PIEZO2: variants seen among roughly 807,000 people sequenced by gnomAD.
PIEZO2 encodes piezo-type mechanosensitive ion channel component 2.
In PIEZO2, 172 loss-of-function variants were observed where a neutral mutation model predicts 337.3. The observed-to-expected ratio is 0.51, with a 90% CI of 0.45 to 0.58. The LOEUF (loss-of-function observed/expected upper bound fraction) is 0.58, where lower values mean the gene tolerates loss of function less well. Ranked by LOEUF, PIEZO2 falls within the 20% of genes least tolerant of loss-of-function variation. PIEZO2 has a pLI of 0.00. For synonymous variants in PIEZO2, 1,251 were observed against 1,228.5 expected, an observed-to-expected ratio of 1.02 and a Z score of -0.38; for missense variants, 3,028 against 3,391.3, an observed-to-expected ratio of 0.89 and a Z score of 2.66.
In PIEZO2 at chr18:11,077,037, T is replaced by A. The variant is rs1055604430; in HGVS notation, c.65-10815A>T. On this transcript the variant is annotated intron_variant, in intron 1 of 55. Coordinates refer to ENST00000674853, the MANE Select transcript of PIEZO2 (RefSeq NM_001378183.1). The surrounding 1 kb of genome is among the most constrained non-coding windows in gnomAD (Gnocchi z 4.8). ...ACACATTGCCTCTCATAATTGCAAATGAGGAAATAAAGCTTTTATGCTCAT... is the reference window on the plus strand; with the variant it reads ...ACACATTGCCTCTCATAATTGCAAAAGAGGAAATAAAGCTTTTATGCTCAT... Among the ~76,000 whole-genome samples, 1 of 152,196 alleles carries A rather than the reference T, an allele frequency of 6.6e-6. No individual in the cohort carries two copies. Among genetic ancestry groups the A allele is most frequent in the African/African-American group, 2.4e-5 (1 of 41,454 alleles).
chr18:10,780,361 G>T lies in PIEZO2; in HGVS notation c.2498C>A (p.Ala833Asp). The T allele has an allele frequency of 1.0e-5, 7 of 702,932 alleles. No homozygotes were observed. Among genetic ancestry groups the T allele is most frequent in the Non-Finnish European group, 1.8e-5 (7 of 384,990 alleles). 43.5% of individuals were successfully genotyped at this position (702,932 alleles called of 1,614,324 possible). Residue 833 changes from alanine (A) to aspartate (D), a missense_variant, in exon 18 of 56, where the codon GCC becomes GAC. Coordinates refer to ENST00000674853, the MANE Select transcript of PIEZO2 (RefSeq NM_001378183.1). ...TAGATATACGCGACCATTGACTTTG[G>T]CATGGCTACGAGGTGGCAGACGGAA... ...SKEDNTIYSHAKVNGRVYLII... is the reference protein window; with the variant it reads ...SKEDNTIYSHDKVNGRVYLII...
chr18:10,979,664 A>G lies in PIEZO2; in HGVS notation c.161-4T>C, dbSNP rs1225219555. On this transcript the variant is annotated splice_polypyrimidine_tract_variant and splice_region_variant and intron_variant, in intron 2 of 55. Transcript: ENST00000674853. This position sits in a 1 kb window ranked among gnomAD's most constrained non-coding sequence, Gnocchi z 4.0. The stretch of plus-strand genomic sequence containing the variant: ...TTTAATAACCGTCCCGTATGTCCTA[A>G]GGGATAAAAAGTGCAGAGATTGTGA... 2.6e-6 allele frequency: 4 copies of G among 1,529,108 alleles called. No individual in the cohort carries two copies. The East Asian group carries it at 9.8e-5, about 37-fold the overall frequency. The allele number at this position is 1,529,108 out of a possible 1,614,324, so 94.7% of individuals were successfully genotyped here.
At position 10,741,109 on chromosome 18, in the gene PIEZO2, T is replaced by A. The variant is rs1170912340; in HGVS notation, c.4637-7A>T. 4 of 1,533,538 alleles carry A rather than the reference T, an allele frequency of 2.6e-6. No homozygotes were observed. In the African/African-American group the frequency reaches 4.1e-5, roughly 16 times the overall value. 95.0% of individuals were successfully genotyped at this position (1,533,538 alleles called of 1,614,324 possible). On this transcript the variant is annotated splice_polypyrimidine_tract_variant and splice_region_variant and intron_variant, in intron 32 of 55. Transcript: ENST00000674853. ...TTCTGTTTGTCTGCTTCTCCTAAAATAAAATACGTCCACATATTAATTCGT... is the reference window on the plus strand; with the variant it reads ...TTCTGTTTGTCTGCTTCTCCTAAAAAAAAATACGTCCACATATTAATTCGT...
intron 1 of PIEZO2, among the ~76,000 whole-genome samples, chr18:11,100,892 GC>G (rs772902601): frequency 2.5e-4 from 38 of 152,278 alleles, no homozygotes; most frequent in Non-Finnish European, 5.0e-4. Context: ...ACCGTGCCTG[GC>G]CCACATTTTC....
rs547053434 is a variant in PIEZO2 at position 11,054,996 on chromosome 18, G to A, written c.160+11131C>T. Among the ~76,000 whole-genome samples, 17 of 152,212 alleles carry A rather than the reference G, an allele frequency of 1.1e-4. No homozygotes were observed. The East Asian group carries it at 3.3e-3, about 30-fold the overall frequency. On this transcript the variant is annotated intron_variant, in intron 2 of 55. Transcript: ENST00000674853. ...GGAGGCCGAGGAGGGCAGATCACGA[G>A]GTCAGGAGATCAAGACTATCCTGGC... is the stretch of plus-strand genomic sequence containing the variant.
rs9951558 is a variant in PIEZO2, at chr18:10,732,678, G to A, written c.4915-1157C>T. On this transcript the variant is annotated intron_variant, in intron 35 of 55. Transcript: ENST00000674853. ...GAGGCAAAAAATTATTCTATTTTAT[G>A]CCAAAAGCATATTTTAAATAATGGG... Among the ~76,000 whole-genome samples, 449 of 152,224 alleles carry A rather than the reference G, an allele frequency of 2.9e-3. 2 individuals carry two copies. Among genetic ancestry groups the A allele is most frequent in the African/African-American group, 0.01 (436 of 41,534 alleles).
chr18:10,851,889 C>T (rs1189390061), intron 7 of PIEZO2, among the ~76,000 whole-genome samples: 2 of 151,950 alleles, frequency 1.3e-5, no homozygotes, highest in East Asian at 3.9e-4. Flanking sequence ...CTAGTATTTT[C>T]GAGGTGGTTC....
intron 27 of PIEZO2, among the ~76,000 whole-genome samples, chr18:10,755,999 AGGG>A (rs2037826004): frequency 1.1e-5 from 1 of 90,572 alleles, no homozygotes; most frequent in Non-Finnish European, 2.7e-5. Context: ...GATGAGGAGG[AGGG>A]ATGGAGAATG....
rs2040724694 is a variant in PIEZO2, at chr18:11,143,631, A to ACT, written c.64+4893_64+4894insAG. ...CACACACACACACACACACACACAC[A>ACT]CACACACACTCTCTCTCTCTCTCTC... On this transcript the variant is annotated intron_variant, in intron 1 of 55. Transcript: ENST00000674853. The surrounding 1 kb of genome is among the most constrained non-coding windows in gnomAD (Gnocchi z 4.9). Among the ~76,000 whole-genome samples, 1 of 63,876 alleles carries ACT rather than the reference A, an allele frequency of 1.6e-5. No homozygotes were observed. The highest frequency in any genetic ancestry group is 8.7e-5 in the African/African-American group (1 of 11,464). 41.9% of individuals were successfully genotyped at this position (63,876 alleles called of 152,430 possible).
rs199934303 is a variant in PIEZO2, at chr18:10,979,025, TA to T, written c.286+509del. 1.6e-4 allele frequency among the ~76,000 whole-genome samples: 24 copies of T among 151,838 alleles called. No homozygotes were observed. Among genetic ancestry groups the T allele is most frequent in the African/African-American group, 3.1e-4 (13 of 41,352 alleles). On this transcript the variant is annotated intron_variant, in intron 3 of 55. Coordinates refer to ENST00000674853, the MANE Select transcript of PIEZO2 (RefSeq NM_001378183.1). The surrounding 1 kb of genome is among the most constrained non-coding windows in gnomAD (Gnocchi z 4.0). The stretch of plus-strand genomic sequence containing the variant: ...GATACTGTTTCCCTATAAATACTAA[TA>T]AAAAAAACCTTCCAATTCAGAAAAG...
Position 10,979,448 on chromosome 18 carries a change from C to G in PIEZO2, c.286+87G>C. On this transcript the variant is annotated intron_variant, in intron 3 of 55. Transcript: ENST00000674853. This position sits in a 1 kb window ranked among gnomAD's most constrained non-coding sequence, Gnocchi z 4.0. ...TATAATTTAATTATTGCATAGATTT[C>G]TATGTGTGCGATGACACACAGCTTT... is the stretch of plus-strand genomic sequence containing the variant. The G allele has an allele frequency of 3.2e-6, 4 of 1,239,728 alleles. No homozygotes were observed. Among genetic ancestry groups the G allele is most frequent in the Non-Finnish European group, 4.2e-6 (4 of 961,514 alleles). 76.8% of individuals were successfully genotyped at this position (1,239,728 alleles called of 1,614,324 possible).
Position 10,715,773 on chromosome 18 carries a change from C to A in PIEZO2, c.5133G>T (p.Trp1711Cys). 6.5e-7 allele frequency: 1 copy of A among 1,533,414 alleles called. No individual in the cohort carries two copies. The allele number at this position is 1,533,414 out of a possible 1,614,324, so 95.0% of individuals were successfully genotyped here. ...TGTCCACTGTTGCCAGAAATAGGAC[C>A]CAGGTAAATTTCAAAATATTAAATA... ...KRIFNILKFTWVLFLATVDSF... is the reference protein window; with the variant it reads ...KRIFNILKFTCVLFLATVDSF... Residue 1711 changes from tryptophan to cysteine, a missense_variant, in exon 38 of 56, where the codon TGG (tryptophan) becomes TGT (cysteine). This residue lies in a region of PIEZO2 where 1,925 missense variants were observed against 2,051.9 expected (regional missense o/e 0.94). Transcript: ENST00000674853.
At chr18:10,852,424 T>C (rs2041582167) in intron 7 of PIEZO2, among the ~76,000 whole-genome samples, 1 of 152,146 alleles carries the variant, frequency 6.6e-6, no homozygotes, top group African/African-American at 2.4e-5. Context: ...ATTTAAGTGG[T>C]CTTAAAGGAT....
In PIEZO2 at chr18:10,673,599, C is replaced by T. The variant is rs2033872052; in HGVS notation, c.8162-726G>A. 1.3e-5 allele frequency among the ~76,000 whole-genome samples: 2 copies of T among 152,102 alleles called. No homozygotes were observed. Among genetic ancestry groups the T allele is most frequent in the African/African-American group, 4.8e-5 (2 of 41,422 alleles). ...AACCATAATATCGGGTCAGTGATTA[C>T]TTTTATTGGAGTTTAGGGTGAATGC... On this transcript the variant is annotated intron_variant, in intron 54 of 55. Transcript: ENST00000674853. The surrounding 1 kb of genome is among the most constrained non-coding windows in gnomAD (Gnocchi z 4.8).
At position 10,878,663 on chromosome 18, in the gene PIEZO2, C is replaced by T. The variant is rs1598619047; in HGVS notation, c.330-7248G>A. On this transcript the variant is annotated intron_variant, in intron 4 of 55. Coordinates refer to ENST00000674853, the MANE Select transcript of PIEZO2 (RefSeq NM_001378183.1). This position sits in a 1 kb window ranked among gnomAD's most constrained non-coding sequence, Gnocchi z 4.3. ...TCACTAATTCAAAAAAATTATTAAG[C>T]ACTTACTATGTGCCAGACACTGTCT... is the stretch of plus-strand genomic sequence containing the variant. 6.6e-6 allele frequency among the ~76,000 whole-genome samples: 1 copy of T among 151,884 alleles called. No individual in the cohort carries two copies. Among genetic ancestry groups the T allele is most frequent in the East Asian group, 1.9e-4 (1 of 5,186 alleles).
chr18:10,876,705 G>A (rs530320244), intron 4 of PIEZO2, among the ~76,000 whole-genome samples: 1 of 152,220 alleles, frequency 6.6e-6, no homozygotes, highest in African/African-American at 2.4e-5. Context: ...TGAATGCCTG[G>A]TTCAAATACA....
intron 1 of PIEZO2, among the ~76,000 whole-genome samples, chr18:11,106,087 T>C (rs2039551017): frequency 6.6e-6 from 1 of 152,054 alleles, no homozygotes; most frequent in African/African-American, 2.4e-5. Flanking sequence ...CCTTTTATTT[T>C]ATTTTATTTT....
chr18:10,678,000 A>G lies in PIEZO2; in HGVS notation c.7953-125T>C, dbSNP rs182973038. ...GTTTTCATTGGGTCCACAACGGTCA[A>G]TCCTGACCCTTTCAGTCTACTTCAC... On this transcript the variant is annotated intron_variant, in intron 52 of 55. Coordinates refer to ENST00000674853, the MANE Select transcript of PIEZO2 (RefSeq NM_001378183.1). This position sits in a 1 kb window ranked among gnomAD's most constrained non-coding sequence, Gnocchi z 4.1. 4.5e-5 allele frequency: 40 copies of G among 892,672 alleles called. No homozygotes were observed. The East Asian group carries it at 6.5e-4, about 15-fold the overall frequency. 55.3% of individuals were successfully genotyped at this position (892,672 alleles called of 1,614,324 possible). A position where few individuals can be genotyped will look rare whatever the true frequency, so the allele number is the denominator to read the frequency against.
At chr18:10,891,998 G>A (rs2042771198) in intron 4 of PIEZO2, among the ~76,000 whole-genome samples, 1 of 152,166 alleles carries the variant, frequency 6.6e-6, no homozygotes, top group African/African-American at 2.4e-5. Context: ...TAAACATTTA[G>A]GGTAATGCAG....
Sources: gnomAD v4.1 joint callset for allele counts (sites outside exome capture counted in the v4.1 genomes callset) on GRCh38, gnomAD v4.1.1 for gene constraint, gnomAD v4.1.1 regional missense constraint, Gnocchi (gnomAD v3.1) non-coding constraint, MANE v1.5 for transcripts, NCBI Gene and HGNC (gene_info 2026-07-23, HGNC 2026-07-21) for gene names.